Variants in THSD7A observed in about 807,000 individuals in gnomAD.
The protein encoded by THSD7A is thrombospondin type-1 domain-containing protein 7A.
Under a neutral mutation model 231.3 loss-of-function variants are expected in THSD7A, and 96 were observed. That is an observed-to-expected ratio of 0.41 (90% CI 0.35 to 0.49). THSD7A has a LOEUF of 0.49. Ranked by LOEUF, THSD7A falls within the 20% of genes least tolerant of loss-of-function variation. The pLI is 0.05. For missense variants in THSD7A, 2,290 were observed against 2,070.2 expected (o/e 1.11, Z -2.06); for synonymous variants, 940 against 743.3 (o/e 1.26, Z -4.30).
chr7:11,792,997 AT>A (rs1414393039), intron 1 of THSD7A, among the ~76,000 whole-genome samples: 1 of 151,986 alleles, frequency 6.6e-6, no homozygotes, highest in Non-Finnish European at 1.5e-5. Context: ...ATACCTGTGG[AT>A]AAATTAAAAT....
At chr7:11,661,707 A>T (rs1159781258) in intron 1 of THSD7A, among the ~76,000 whole-genome samples, 1 of 151,262 alleles carries the variant, frequency 6.6e-6, no homozygotes, top group Non-Finnish European at 1.5e-5. Context: ...ATTAAGAAGA[A>T]AAAAGAGAGA....
chr7:11,727,968 C>G (rs1781603546), intron 1 of THSD7A, among the ~76,000 whole-genome samples: 1 of 151,928 alleles, frequency 6.6e-6, no homozygotes, highest in African/African-American at 2.4e-5. Flanking sequence ...TGTCTTCAAA[C>G]TGAAAGCAAG....
At chr7:11,647,785 C>G (rs1782338740) in intron 1 of THSD7A, among the ~76,000 whole-genome samples, 1 of 152,008 alleles carries the variant, frequency 6.6e-6, no homozygotes, top group Non-Finnish European at 1.5e-5. Flanking sequence ...GTGATATTGG[C>G]TGACTGCTTC....
At chr7:11,586,789 A>G (rs1779928349) in intron 4 of THSD7A, among the ~76,000 whole-genome samples, 1 of 152,024 alleles carries the variant, frequency 6.6e-6, no homozygotes, top group African/African-American at 2.4e-5. Context: ...CTTTCCGTCT[A>G]TCCATTCACA....
chr7:11,527,785 T>A (rs984066497), intron 6 of THSD7A, among the ~76,000 whole-genome samples: 1 of 152,160 alleles, frequency 6.6e-6, no homozygotes, highest in Non-Finnish European at 1.5e-5. Context: ...TCTTTCTATA[T>A]CACTTAGACC....
At chr7:11,458,278 G>A (rs1029289917) in intron 11 of THSD7A, among the ~76,000 whole-genome samples, 18 of 151,994 alleles carry the variant, frequency 1.2e-4, no homozygotes, top group African/African-American at 4.3e-4. Context: ...ATGGAGTTCT[G>A]AAAACAGCCA....
chr7:11,731,997 C>T (rs1052141527), intron 1 of THSD7A, among the ~76,000 whole-genome samples: 1 of 151,458 alleles, frequency 6.6e-6, no homozygotes, highest in African/African-American at 2.4e-5. Context: ...GGCATTTTAG[C>T]AAAATTAATA....
intron 4 of THSD7A, among the ~76,000 whole-genome samples, chr7:11,586,279 C>A (rs570430367): frequency 6.6e-6 from 1 of 152,026 alleles, no homozygotes; most frequent in Non-Finnish European, 1.5e-5. Context: ...TTTACATCTA[C>A]ATAATGGTGT....
intron 1 of THSD7A, among the ~76,000 whole-genome samples, chr7:11,801,189 G>A (rs1055940253): frequency 6.6e-6 from 1 of 151,924 alleles, no homozygotes; most frequent in Non-Finnish European, 1.5e-5. Flanking sequence ...TGTGCCATTT[G>A]CATATTAGTT....
At chr7:11,465,598 T>C (rs1406302408) in intron 9 of THSD7A, among the ~76,000 whole-genome samples, 1 of 151,702 alleles carries the variant, frequency 6.6e-6, no homozygotes, top group African/African-American at 2.4e-5. Flanking sequence ...GGATATGGGA[T>C]GGATTGCAGG....
At chr7:11,448,784 T>C (rs1785054238) in intron 11 of THSD7A, among the ~76,000 whole-genome samples, 1 of 152,112 alleles carries the variant, frequency 6.6e-6, no homozygotes, top group African/African-American at 2.4e-5. Flanking sequence ...CCCTTCTAAA[T>C]TGTTCAATTG....
intron 23 of THSD7A, among the ~76,000 whole-genome samples, chr7:11,391,767 G>A (rs1782990527): frequency 6.6e-6 from 1 of 152,280 alleles, no homozygotes; most frequent in African/African-American, 2.4e-5. Context: ...GAATCTCTTG[G>A]TCTGCGGGTT....
chr7:11,649,654 A>G (rs749087624), intron 1 of THSD7A, among the ~76,000 whole-genome samples: 1 of 152,046 alleles, frequency 6.6e-6, no homozygotes, highest in Non-Finnish European at 1.5e-5. Context: ...AAGACTTAAA[A>G]TAAGTGAGGA....
At chr7:11,387,462 CT>C (rs1249856846) in intron 23 of THSD7A, among the ~76,000 whole-genome samples, 2 of 152,044 alleles carry the variant, frequency 1.3e-5, no homozygotes, top group Non-Finnish European at 2.9e-5. Flanking sequence ...GTATTTTATT[CT>C]CTTTGTAGCA....
intron 11 of THSD7A, among the ~76,000 whole-genome samples, chr7:11,453,552 T>G (rs142233968): frequency 6.6e-6 from 1 of 151,988 alleles, no homozygotes; most frequent in Non-Finnish European, 1.5e-5. Context: ...CAGATGTTCC[T>G]TGGCAGGCAA....
At chr7:11,616,776 GC>G (rs1053358683) in intron 2 of THSD7A, among the ~76,000 whole-genome samples, 11 of 151,970 alleles carry the variant, frequency 7.2e-5, no homozygotes, top group African/African-American at 2.7e-4. Flanking sequence ...TCTTGAAAGG[GC>G]ACATCCTGTA....
intron 6 of THSD7A, among the ~76,000 whole-genome samples, chr7:11,496,121 G>A (rs1172261634): frequency 2.0e-5 from 3 of 152,088 alleles, no homozygotes; most frequent in African/African-American, 7.2e-5. Flanking sequence ...TTATAACATG[G>A]AACTAATAAT....
intron 1 of THSD7A, among the ~76,000 whole-genome samples, chr7:11,711,158 A>C (rs1780949182): frequency 6.6e-6 from 1 of 150,946 alleles, no homozygotes. Flanking sequence ...ATCAGAAATG[A>C]AAATGTGCTT....
chr7:11,521,711 C>T (rs1438569347), intron 6 of THSD7A, among the ~76,000 whole-genome samples: 1 of 125,744 alleles, frequency 8.0e-6, no homozygotes, highest in African/African-American at 3.1e-5. Flanking sequence ...GACCCCACCA[C>T]GAGGATGCAT....
Sources: gnomAD v4.1 joint callset for allele counts (sites outside exome capture counted in the v4.1 genomes callset) on GRCh38, gnomAD v4.1.1 for gene constraint, MANE v1.5 for transcripts, NCBI Gene and HGNC (gene_info 2026-07-23, HGNC 2026-07-21) for gene names.